MGLL: variants seen among roughly 807,000 people sequenced by gnomAD.
MGLL encodes the protein monoglyceride lipase.
MGLL carries 7 observed loss-of-function variants against 29.1 expected under a neutral mutation model. The ratio of observed to expected loss-of-function variants is 0.24; its 90% CI spans 0.14 to 0.45. MGLL has a LOEUF of 0.45. Among genes scored for constraint, MGLL ranks in the 20% least tolerant of loss-of-function variants. The probability of loss-of-function intolerance (pLI) is 0.99; values close to 1 mark genes in which losing one functional copy is unlikely to be tolerated. For missense variants in MGLL, 356 were observed against 413.6 expected (o/e 0.86, Z 1.21); for synonymous variants, 148 against 168.3 (o/e 0.88, Z 0.93).
intron 3 of MGLL, among the ~76,000 whole-genome samples, chr3:127,749,123 G>A (rs565296402): frequency 6.6e-6 from 1 of 152,284 alleles, no homozygotes; most frequent in African/African-American, 2.4e-5. Context: ...TGTGATCTGG[G>A]CAAAGTCGGA....
At chr3:127,721,868 G>A (rs1372759132) in intron 4 of MGLL, among the ~76,000 whole-genome samples, 1 of 152,066 alleles carries the variant, frequency 6.6e-6, no homozygotes. Context: ...TGCTTTGTCT[G>A]TAGGTAGATT....
intron 3 of MGLL, among the ~76,000 whole-genome samples, chr3:127,751,539 T>C (rs2076558673): frequency 1.3e-5 from 2 of 151,866 alleles, no homozygotes; most frequent in Admixed American, 1.3e-4. Context: ...ACAGCTGCCA[T>C]GCGACCTGCA....
At chr3:127,792,666 G>T (rs1263712119) in intron 2 of MGLL, among the ~76,000 whole-genome samples, 2 of 151,778 alleles carry the variant, frequency 1.3e-5, no homozygotes, top group African/African-American at 4.8e-5. Flanking sequence ...TCGCGCCATT[G>T]CACTCCAGCC....
intron 6 of MGLL, among the ~76,000 whole-genome samples, chr3:127,705,348 C>CTGCA (rs1369118245): frequency 6.6e-6 from 1 of 151,754 alleles, no homozygotes; most frequent in Non-Finnish European, 1.5e-5. Flanking sequence ...TGTAACAAAC[C>CTGCA]TGCACATCCT....
intron 2 of MGLL, among the ~76,000 whole-genome samples, chr3:127,819,630 A>T (rs1309794685): frequency 6.6e-6 from 1 of 152,134 alleles, no homozygotes; most frequent in Non-Finnish European, 1.5e-5. Context: ...CTGGGGGGAA[A>T]GATTGAAGCC....
intron 2 of MGLL, among the ~76,000 whole-genome samples, chr3:127,816,905 A>C (rs895050318): frequency 5.9e-5 from 9 of 152,338 alleles, no homozygotes; most frequent in Admixed American, 3.9e-4. Context: ...AAACAATGCC[A>C]AATCTCCCTT....
intron 3 of MGLL, among the ~76,000 whole-genome samples, chr3:127,732,540 T>C (rs1378939014): frequency 6.6e-6 from 1 of 151,874 alleles, no homozygotes; most frequent in Non-Finnish European, 1.5e-5. Flanking sequence ...ACCCGCTGTG[T>C]GAAAACACAG....
intron 2 of MGLL, among the ~76,000 whole-genome samples, chr3:127,803,307 G>A (rs562738347): frequency 3.3e-5 from 5 of 152,186 alleles, no homozygotes; most frequent in South Asian, 2.1e-4. Context: ...ATTGCTGCAC[G>A]GGGAGGGCCT....
At chr3:127,746,046 G>A (rs1319983225) in intron 3 of MGLL, among the ~76,000 whole-genome samples, 1 of 152,202 alleles carries the variant, frequency 6.6e-6, no homozygotes, top group African/African-American at 2.4e-5. Context: ...TGGGAGATGG[G>A]GGCCCAGACA....
At chr3:127,767,170 C>CTCAACAAT (rs11281423) in intron 3 of MGLL, among the ~76,000 whole-genome samples, 1 of 152,028 alleles carries the variant, frequency 6.6e-6, no homozygotes, top group Non-Finnish European at 1.5e-5. Context: ...CACCATCACT[C>CTCAACAAT]ATTACCATCA....
At chr3:127,732,088 A>C (rs2076162773) in intron 3 of MGLL, among the ~76,000 whole-genome samples, 1 of 152,200 alleles carries the variant, frequency 6.6e-6, no homozygotes, top group Non-Finnish European at 1.5e-5. Context: ...CTGGAATGGG[A>C]AGAGCCAGCC....
intron 3 of MGLL, among the ~76,000 whole-genome samples, chr3:127,768,078 G>GA (rs1307811215): frequency 2.0e-5 from 3 of 152,114 alleles, no homozygotes; most frequent in Admixed American, 6.5e-5. Flanking sequence ...CAAACTCCTT[G>GA]AAAAACACTA....
At chr3:127,803,360 G>T (rs1009230457) in intron 2 of MGLL, among the ~76,000 whole-genome samples, 3 of 152,120 alleles carry the variant, frequency 2.0e-5, no homozygotes, top group African/African-American at 7.2e-5. Context: ...CCTCCAGGCC[G>T]CCTGAAGGAA....
chr3:127,705,648 C>T (rs774872856), intron 6 of MGLL, among the ~76,000 whole-genome samples: 15 of 151,854 alleles, frequency 9.9e-5, no homozygotes, highest in Admixed American at 3.3e-4. Flanking sequence ...TGGTGGCACG[C>T]GCCTGTAATC....
chr3:127,735,611 A>G (rs2076228425), intron 3 of MGLL: 1 of 1,298,826 alleles, frequency 7.7e-7, no homozygotes, highest in Admixed American at 2.3e-5. Flanking sequence ...AAAGCAAGAG[A>G]ATGAAACACA....
At chr3:127,744,267 T>C (rs2107659059) in intron 3 of MGLL, among the ~76,000 whole-genome samples, 1 of 152,300 alleles carries the variant, frequency 6.6e-6, no homozygotes, top group East Asian at 1.9e-4. Flanking sequence ...ACTGTATAAA[T>C]AAGAGGAAAC....
chr3:127,752,746 T>C (rs2076583248), intron 3 of MGLL, among the ~76,000 whole-genome samples: 1 of 152,178 alleles, frequency 6.6e-6, no homozygotes, highest in Admixed American at 6.5e-5. Context: ...TAACTGACCC[T>C]TTCTGCAAAA....
intron 6 of MGLL, among the ~76,000 whole-genome samples, chr3:127,703,652 G>T (rs1317485120): frequency 6.6e-6 from 1 of 152,028 alleles, no homozygotes; most frequent in Non-Finnish European, 1.5e-5. Flanking sequence ...CAACTTCTTG[G>T]ATATGACACC....
rs569031846 is a variant in MGLL at position 127,718,521 on chromosome 3, G to A, written c.510+2532C>T. On this transcript the variant is annotated intron_variant, in intron 5 of 7. Transcript: ENST00000265052. ...AAACCAGGACCTATCCCTGCAGTGGGACCCTTGGTAGGTCCTGATGGGGAA... is the reference window on the plus strand; with the variant it reads ...AAACCAGGACCTATCCCTGCAGTGGAACCCTTGGTAGGTCCTGATGGGGAA... Among the ~76,000 whole-genome samples the A allele has an allele frequency of 5.9e-5, 9 of 152,316 alleles. No individual in the cohort carries two copies. The South Asian group carries it at 1.0e-3, about 18-fold the overall frequency.
Sources: gnomAD v4.1 joint callset for allele counts (sites outside exome capture counted in the v4.1 genomes callset) on GRCh38, gnomAD v4.1.1 for gene constraint, MANE v1.5 for transcripts, NCBI Gene and HGNC (gene_info 2026-07-23, HGNC 2026-07-21) for gene names.